CD9: variants seen among roughly 807,000 people sequenced by gnomAD.
CD9 encodes CD9 molecule.
In CD9, 10 loss-of-function variants were observed where a neutral mutation model predicts 31.4. The ratio of observed to expected loss-of-function variants is 0.32; its 90% confidence interval spans 0.20 to 0.54. The LOEUF is 0.54. CD9 is among the 20% of genes least tolerant of loss of function. The pLI, the probability that CD9 is intolerant of heterozygous loss-of-function variation, is 0.94. For synonymous variants in CD9, 113 were observed against 114.1 expected (o/e 0.99, Z 0.06); for missense variants, 259 against 300.1 (o/e 0.86, Z 1.01).
upstream of CD9, chr12:6,200,049 G>T (rs1946054310): frequency 6.6e-6 from 1 of 152,272 alleles, no homozygotes; most frequent in African/African-American, 2.4e-5. Flanking sequence ...AAACGCGGGG[G>T]AACCGGAAGG....
intron 1 of CD9, among the ~76,000 whole-genome samples, chr12:6,220,087 G>A (rs1189954804): frequency 2.0e-5 from 3 of 152,218 alleles, no homozygotes; most frequent in Non-Finnish European, 4.4e-5. Flanking sequence ...AGAGAGTGTG[G>A]AGCATGGATG....
At chr12:6,219,249 G>A (rs1022153009) in intron 1 of CD9, among the ~76,000 whole-genome samples, 3 of 151,926 alleles carry the variant, frequency 2.0e-5, no homozygotes, top group Non-Finnish European at 2.9e-5. Flanking sequence ...CAAGTGATCC[G>A]CCTGCCTTGG....
At position 6,233,373 on chromosome 12, in the gene CD9, C is replaced by T. The variant is rs367970484; in HGVS notation, c.274-39C>T. ...CCCTTTGATTTTCCTGGCTGGTTGG[C>T]TGGGACTGTTCTCACCCCGTCCCCT... On this transcript the variant is annotated intron_variant, in intron 3 of 7. Coordinates refer to ENST00000009180, the MANE Select transcript of CD9 (RefSeq NM_001769.4). The T allele has an allele frequency of 2.8e-5, 41 of 1,489,270 alleles. No homozygotes were observed. The African/African-American group carries it at 5.1e-4, about 19-fold the overall frequency. The allele number at this position is 1,489,270 out of a possible 1,614,324, so 92.3% of individuals were successfully genotyped here.
chr12:6,205,176 A>G (rs1946117426), intron 1 of CD9, among the ~76,000 whole-genome samples: 1 of 152,218 alleles, frequency 6.6e-6, no homozygotes, highest in South Asian at 2.1e-4. Context: ...GAAGCTGGCT[A>G]CACGTGCACT....
chr12:6,225,355 C>A, intron 1 of CD9, 71 bp from the exon 2 acceptor site: 1 of 1,007,134 alleles, frequency 9.9e-7, no homozygotes, highest in Non-Finnish European at 1.6e-6. Context: ...GCAAGTCTCA[C>A]CCTTAAGCGC....
At chr12:6,214,979 C>T (rs1013165316) in intron 1 of CD9, among the ~76,000 whole-genome samples, 2 of 152,128 alleles carry the variant, frequency 1.3e-5, no homozygotes, top group East Asian at 1.9e-4. Context: ...CAGCCGTTCT[C>T]TCTCCTTTCT....
At chr12:6,231,910 A>G (rs913522150) in intron 2 of CD9, among the ~76,000 whole-genome samples, 1 of 152,224 alleles carries the variant, frequency 6.6e-6, no homozygotes, top group Non-Finnish European at 1.5e-5. Flanking sequence ...ATTGAGGCCC[A>G]GAGAGGGAAA....
chr12:6,203,829 C>G (rs1280449028), intron 1 of CD9, among the ~76,000 whole-genome samples: 1 of 152,180 alleles, frequency 6.6e-6, no homozygotes, highest in Admixed American at 6.5e-5. Context: ...CATGTCTGCC[C>G]TCTTTCTGGT....
At chr12:6,225,638 C>T (rs1304581102) in intron 2 of CD9, 104 bp downstream of exon 2, 1 of 716,674 alleles carries the variant, frequency 1.4e-6, no homozygotes, top group East Asian at 2.6e-5. Flanking sequence ...TTGGGAAAGA[C>T]TTTTGCTCTA....
chr12:6,237,773 T>C lies in CD9; in HGVS notation c.632T>C (p.Met211Thr), dbSNP rs988979164. ...CTTCCTATCTCCTAGATATTTGGCA[T>C]GATCTTCAGTATGATCTTGTGCTGT... ...IGIAVVMIFG[M>T]IFSMILCCAI... is the part of the protein sequence containing the mutation. The change falls in exon 8 of 8, where the codon ATG becomes ACG. Residue 211 changes from methionine to threonine, a missense_variant. Coordinates refer to ENST00000009180, the MANE Select transcript of CD9 (RefSeq NM_001769.4). 1 of 1,612,950 alleles carries C rather than the reference T, an allele frequency of 6.2e-7. No homozygotes were observed. The highest frequency in any genetic ancestry group is 8.5e-7 in the Non-Finnish European group (1 of 1,179,008).
chr12:6,212,105 G>A (rs1353731867), intron 1 of CD9, among the ~76,000 whole-genome samples: 2 of 152,174 alleles, frequency 1.3e-5, no homozygotes, highest in South Asian at 2.1e-4. Context: ...CCCTGGAGAG[G>A]GGACCAAGCT....
chr12:6,201,185 C>T (rs1210427577), intron 1 of CD9, among the ~76,000 whole-genome samples: 2 of 152,212 alleles, frequency 1.3e-5, no homozygotes, highest in South Asian at 2.1e-4. Context: ...CGCAGGCCCC[C>T]GTTCCCTCAG....
chr12:6,222,254 T>TC lies in CD9; in HGVS notation c.67-3165dup, dbSNP rs760250062. Among the ~76,000 whole-genome samples the TC allele has an allele frequency of 3.3e-5, 5 of 151,936 alleles. No individual in the cohort carries two copies. The East Asian group carries it at 5.8e-4, about 18-fold the overall frequency. On this transcript the variant is annotated intron_variant, in intron 1 of 7. Transcript: ENST00000009180. ...GGGGCAGCTGATGGTTCACATAGCA[T>TC]CCCCCCCGGCCGGTGAACTCAGTCA...
At chr12:6,222,851 C>T (rs577456902) in intron 1 of CD9, among the ~76,000 whole-genome samples, 18 of 152,206 alleles carry the variant, frequency 1.2e-4, no homozygotes, top group Non-Finnish European at 2.5e-4. Flanking sequence ...AGCTTTACCT[C>T]ATCTTACAGC....
At chr12:6,203,455 G>T (rs1354634806) in intron 1 of CD9, among the ~76,000 whole-genome samples, 1 of 152,194 alleles carries the variant, frequency 6.6e-6, no homozygotes, top group Non-Finnish European at 1.5e-5. Flanking sequence ...GCAGCACTTT[G>T]CACAGAGGCT....
chr12:6,206,081 C>T (rs138728580), intron 1 of CD9: 1 of 149,374 alleles, frequency 6.7e-6, no homozygotes, highest in East Asian at 2.0e-4. Flanking sequence ...GTCTGAAAAT[C>T]TGGGTGAGAG....
intron 1 of CD9, among the ~76,000 whole-genome samples, chr12:6,201,775 A>G (rs906407284): frequency 6.6e-6 from 1 of 152,250 alleles, no homozygotes; most frequent in Non-Finnish European, 1.5e-5. Flanking sequence ...ACAGTGGCTC[A>G]TGCCTGTAAT....
chr12:6,223,767 T>A (rs1415045699), intron 1 of CD9, among the ~76,000 whole-genome samples: 1 of 152,158 alleles, frequency 6.6e-6, no homozygotes. Flanking sequence ...GGGGAACCCA[T>A]GGTCTGAATG....
rs546006720 is a variant in CD9, at chr12:6,203,446, C to A, written c.66+2881C>A. ...CAGGAATTGTGAGGCCAGTGCCCAG[C>A]AGCACTTTGCACAGAGGCTGCTGAG... On this transcript the variant is annotated intron_variant, in intron 1 of 7. Coordinates refer to ENST00000009180, the MANE Select transcript of CD9 (RefSeq NM_001769.4). Among the ~76,000 whole-genome samples, 4 of 152,310 alleles carry A rather than the reference C, an allele frequency of 2.6e-5. No individual in the cohort carries two copies. In the South Asian group the frequency reaches 8.3e-4, roughly 32 times the overall value.
Sources: allele counts gnomAD v4.1 joint callset (sites outside exome capture counted in the v4.1 genomes callset), GRCh38; gene constraint gnomAD v4.1.1; transcripts MANE v1.5; gene names NCBI Gene and HGNC (gene_info 2026-07-23, HGNC 2026-07-21).